The following MBD5 variants were observed in gnomAD, a reference collection of about 807,000 sequenced individuals.
MBD5 encodes the protein methyl-CpG binding domain protein 5.
A neutral mutation model predicts 117.3 loss-of-function variants in MBD5; 13 were observed. The observed-to-expected ratio is 0.11, with a 90% CI of 0.07 to 0.18. The LOEUF (loss-of-function observed/expected upper bound fraction) is 0.18, where lower values mean the gene tolerates loss of function less well. Ranked by LOEUF, MBD5 falls within the 10% of genes least tolerant of loss-of-function variation. The probability of loss-of-function intolerance (pLI) is 1.00; values close to 1 mark genes in which losing one functional copy is unlikely to be tolerated. For synonymous variants in MBD5, 727 were observed against 766.4 expected (o/e 0.95, Z 0.85); for missense variants, 1,879 against 2,093.8 (o/e 0.90, Z 2.00).
intron 1 of MBD5, among the ~76,000 whole-genome samples, chr2:148,069,985 A>T (rs1695307744): frequency 6.6e-6 from 1 of 152,130 alleles, no homozygotes; most frequent in African/African-American, 2.4e-5. Context: ...GAAATATGCA[A>T]TAATTGTTGT....
rs73968632 is a variant in MBD5 at position 148,475,479 on chromosome 2, T to C, written c.2518+5018T>C. Among the ~76,000 whole-genome samples, 1,045 of 152,196 alleles carry C rather than the reference T, an allele frequency of 6.9e-3. 9 individuals are homozygous for C. Among genetic ancestry groups the C allele is most frequent in the African/African-American group, 0.024 (984 of 41,540 alleles). ...GTATTAAAAAAAAAAGGAGTTAAAA[T>C]ATGTTCAGCTGTAGACGTTGAGTCT... On this transcript the variant is annotated intron_variant, in intron 8 of 13. Coordinates refer to ENST00000642680, the MANE Select transcript of MBD5 (RefSeq NM_001378120.1).
intron 4 of MBD5, among the ~76,000 whole-genome samples, chr2:148,455,825 G>T (rs1181975766): frequency 6.6e-6 from 1 of 151,768 alleles, no homozygotes; most frequent in Non-Finnish European, 1.5e-5. Context: ...CCAGTGTAAT[G>T]ATGAGACCAC....
intron 1 of MBD5, among the ~76,000 whole-genome samples, chr2:148,151,138 G>A (rs937589837): frequency 3.2e-4 from 48 of 150,640 alleles, no homozygotes; most frequent in Non-Finnish European, 7.4e-5. Flanking sequence ...TTTATTGAGA[G>A]TTTTTAGCAT....
At chr2:148,051,720 T>G (rs1694709575) in intron 1 of MBD5, among the ~76,000 whole-genome samples, 1 of 152,042 alleles carries the variant, frequency 6.6e-6, no homozygotes, top group African/African-American at 2.4e-5. Flanking sequence ...TGGTTTAATA[T>G]AATCACAATT....
At chr2:148,322,849 T>TTTA (rs916291897) in intron 3 of MBD5, among the ~76,000 whole-genome samples, 1 of 151,900 alleles carries the variant, frequency 6.6e-6, no homozygotes, top group East Asian at 1.9e-4. Context: ...TATTTATTTA[T>TTTA]TTATTATTAT....
At chr2:148,212,336 A>T (rs989288808) in intron 2 of MBD5, among the ~76,000 whole-genome samples, 13 of 152,198 alleles carry the variant, frequency 8.5e-5, no homozygotes, top group Admixed American at 2.0e-4. Context: ...CATACAATAC[A>T]TGGCCTTTTG....
intron 3 of MBD5, among the ~76,000 whole-genome samples, chr2:148,250,902 C>G (rs1028580796): frequency 2.6e-5 from 4 of 152,192 alleles, no homozygotes; most frequent in Non-Finnish European, 4.4e-5. Flanking sequence ...TATTTTGCCA[C>G]TTCATCACTT....
chr2:148,430,051 A>G (rs1254465236), intron 4 of MBD5, among the ~76,000 whole-genome samples: 2 of 152,140 alleles, frequency 1.3e-5, no homozygotes, highest in African/African-American at 4.8e-5. Context: ...TTTGGCAATA[A>G]CATTTTCTTA....
chr2:148,062,615 T>G (rs914319780), intron 1 of MBD5: 7 of 152,030 alleles, frequency 4.6e-5, no homozygotes, highest in Admixed American at 4.6e-4. Flanking sequence ...TTACAGGTGA[T>G]TAAATATCTT....
At chr2:148,329,628 T>C (rs990517328) in intron 3 of MBD5, among the ~76,000 whole-genome samples, 5 of 152,046 alleles carry the variant, frequency 3.3e-5, no homozygotes, top group Non-Finnish European at 5.9e-5. Context: ...AGGGCAAAAA[T>C]AGAGATTTGA....
intron 1 of MBD5, among the ~76,000 whole-genome samples, chr2:148,089,906 G>C (rs1203447289): frequency 1.3e-5 from 2 of 151,936 alleles, no homozygotes; most frequent in African/African-American, 4.8e-5. Context: ...TAAAAAGCCA[G>C]TTATTTGAAA....
chr2:148,159,615 A>C (rs1448638402), intron 1 of MBD5, among the ~76,000 whole-genome samples: 1 of 152,164 alleles, frequency 6.6e-6, no homozygotes, highest in South Asian at 2.1e-4. Context: ...AGAAGTATAT[A>C]TATGTAATGC....
intron 3 of MBD5, among the ~76,000 whole-genome samples, chr2:148,308,506 T>C (rs1391947031): frequency 6.9e-6 from 1 of 144,988 alleles, no homozygotes; most frequent in East Asian, 2.0e-4. Context: ...TTTTTTTTTT[T>C]TTTTTTTTTT....
intron 1 of MBD5, among the ~76,000 whole-genome samples, chr2:148,045,195 A>G (rs1211940036): frequency 2.0e-5 from 3 of 152,160 alleles, no homozygotes; most frequent in Non-Finnish European, 4.4e-5. Flanking sequence ...CTGTGCATGC[A>G]TTATGTCATT....
intron 1 of MBD5, among the ~76,000 whole-genome samples, chr2:148,148,750 T>C (rs1010933494): frequency 6.6e-5 from 10 of 152,280 alleles, no homozygotes; most frequent in African/African-American, 1.7e-4. Flanking sequence ...ACATGCTTGA[T>C]AGAACCAGCT....
intron 3 of MBD5, among the ~76,000 whole-genome samples, chr2:148,334,620 A>C (rs1362787202): frequency 3.3e-5 from 5 of 152,074 alleles, no homozygotes; most frequent in Non-Finnish European, 7.4e-5. Context: ...AGACATTACC[A>C]TTGTGCCCAG....
At chr2:148,479,280 T>A (rs1681068385) in intron 8 of MBD5, among the ~76,000 whole-genome samples, 1 of 152,188 alleles carries the variant, frequency 6.6e-6, no homozygotes, top group Non-Finnish European at 1.5e-5. Context: ...TCCTTTCCAA[T>A]GTCCCTTATC....
chr2:148,096,605 A>G (rs907788865), intron 1 of MBD5, among the ~76,000 whole-genome samples: 1 of 152,184 alleles, frequency 6.6e-6, no homozygotes, highest in African/African-American at 2.4e-5. Context: ...TGTTCTGCGA[A>G]TTAAAACCTC....
At chr2:148,117,440 A>C (rs1002252354) in intron 1 of MBD5, among the ~76,000 whole-genome samples, 1 of 152,184 alleles carries the variant, frequency 6.6e-6, no homozygotes, top group Non-Finnish European at 1.5e-5. Flanking sequence ...AGAATAATGA[A>C]TGAATTACAT....
Sources: allele counts gnomAD v4.1 joint callset (sites outside exome capture counted in the v4.1 genomes callset), GRCh38; gene constraint gnomAD v4.1.1; transcripts MANE v1.5; gene names NCBI Gene and HGNC (gene_info 2026-07-23, HGNC 2026-07-21).